Variants in SAMMSON observed in about 807,000 individuals in gnomAD.
SAMMSON encodes survival associated mitochondrial melanoma specific oncogenic non-coding RNA, also known as long intergenic non-protein coding RNA 1212.
At chr3:70,108,338 G>C (rs1035406232) in intron 4 of SAMMSON, among the ~76,000 whole-genome samples, 2 of 149,606 alleles carry the variant, frequency 1.3e-5, no homozygotes, top group African/African-American at 2.4e-5. Context: ...GTTTACGCAG[G>C]CAATATAAGT....
chr3:70,128,217 T>G (rs2067467269), intron 4 of SAMMSON, among the ~76,000 whole-genome samples: 1 of 152,162 alleles, frequency 6.6e-6, no homozygotes. Context: ...CATCTAAGAC[T>G]GTCTACACAA....
chr3:70,121,957 C>T (rs1428253950), intron 4 of SAMMSON, among the ~76,000 whole-genome samples: 1 of 152,130 alleles, frequency 6.6e-6, no homozygotes, highest in Non-Finnish European at 1.5e-5. Flanking sequence ...GTATGAATCT[C>T]GTAAGAGACT....
intron 4 of SAMMSON, among the ~76,000 whole-genome samples, chr3:70,190,698 A>G (rs998156561): frequency 1.1e-4 from 16 of 152,248 alleles, no homozygotes; most frequent in Admixed American, 1.0e-3. Flanking sequence ...GAATTTGTGT[A>G]TATTGTTGCT....
chr3:70,245,671 T>TATATATATA (rs1326051204), intron 4 of SAMMSON, among the ~76,000 whole-genome samples: 2 of 57,222 alleles, frequency 3.5e-5, no homozygotes, highest in African/African-American at 5.7e-5. Flanking sequence ...GCAAACTGCT[T>TATATATATA]TATATATATA....
chr3:70,432,975 G>A (rs1701427063), intron 2 of SAMMSON, among the ~76,000 whole-genome samples: 3 of 151,880 alleles, frequency 2.0e-5, no homozygotes. Flanking sequence ...ATTCCCCTAT[G>A]TCTTTTAATG....
At chr3:70,019,333 G>A (rs1378905815) in intron 3 of SAMMSON, among the ~76,000 whole-genome samples, 10 of 152,154 alleles carry the variant, frequency 6.6e-5, no homozygotes, top group African/African-American at 1.9e-4. Context: ...TTACCATTAT[G>A]TAATGGCCTT....
intron 9 of SAMMSON, among the ~76,000 whole-genome samples, chr3:70,378,625 C>T (rs1187982624): frequency 6.6e-6 from 1 of 152,054 alleles, no homozygotes; most frequent in Non-Finnish European, 1.5e-5. Flanking sequence ...TATATACTTG[C>T]AGAACCATTG....
chr3:70,219,742 A>G (rs1251490606), intron 4 of SAMMSON, among the ~76,000 whole-genome samples: 1 of 152,180 alleles, frequency 6.6e-6, no homozygotes, highest in Non-Finnish European at 1.5e-5. Context: ...TTAGTAACAC[A>G]GAGATTAAGA....
At chr3:70,246,023 T>G (rs2106646099) in intron 4 of SAMMSON, among the ~76,000 whole-genome samples, 1 of 151,774 alleles carries the variant, frequency 6.6e-6, no homozygotes, top group African/African-American at 2.4e-5. Context: ...ACTTGCATTG[T>G]TAAATATATA....
At chr3:70,203,760 C>G (rs1338393412) in intron 4 of SAMMSON, among the ~76,000 whole-genome samples, 1 of 152,074 alleles carries the variant, frequency 6.6e-6, no homozygotes, top group African/African-American at 2.4e-5. Flanking sequence ...TGAGATGTCT[C>G]AAATTCAAAA....
intron 4 of SAMMSON, among the ~76,000 whole-genome samples, chr3:70,121,138 T>A (rs2106666946): frequency 6.6e-6 from 1 of 152,296 alleles, no homozygotes; most frequent in African/African-American, 2.4e-5. Flanking sequence ...CGCGCTCCTA[T>A]AAGAATCTAA....
intron 4 of SAMMSON, among the ~76,000 whole-genome samples, chr3:70,164,591 C>G (rs570427785): frequency 6.6e-6 from 1 of 152,058 alleles, no homozygotes; most frequent in East Asian, 1.9e-4. Context: ...ATAAGGCTTC[C>G]AAATCAAGGT....
chr3:70,209,814 T>G (rs1701325641), intron 4 of SAMMSON, among the ~76,000 whole-genome samples: 1 of 152,056 alleles, frequency 6.6e-6, no homozygotes, highest in Admixed American at 6.6e-5. Flanking sequence ...GCCTTGCAAA[T>G]AGCTGGGTTT....
At chr3:70,337,177 T>TTAA (rs4057293) in intron 7 of SAMMSON, among the ~76,000 whole-genome samples, 85,868 of 125,994 alleles carry the variant, frequency 0.68, 28,644 homozygotes, top group Middle Eastern at 0.75. Flanking sequence ...TAATATAATA[T>TTAA]TAATAATATG....
At chr3:70,163,083 T>C (rs1559526060) in intron 4 of SAMMSON, among the ~76,000 whole-genome samples, 1 of 151,762 alleles carries the variant, frequency 6.6e-6, no homozygotes, top group Admixed American at 6.6e-5. Context: ...ATCCTTTTTT[T>C]TCATTATCTA....
At chr3:70,366,492 G>GGT (rs772373929) in intron 9 of SAMMSON, among the ~76,000 whole-genome samples, 2 of 100,758 alleles carry the variant, frequency 2.0e-5, no homozygotes, top group Non-Finnish European at 4.1e-5. Context: ...GTGTTTTTAT[G>GGT]TTTTTTTTTT....
chr3:70,043,940 A>G (rs59761935), intron 3 of SAMMSON, among the ~76,000 whole-genome samples: 2,816 of 152,154 alleles, frequency 0.019, 91 homozygotes, highest in African/African-American at 0.063. Flanking sequence ...GTTAAAGTGA[A>G]CAAAATTGAT....
chr3:70,120,339 A>G (rs1051474188), intron 4 of SAMMSON: 1 of 152,268 alleles, frequency 6.6e-6, no homozygotes, highest in African/African-American at 2.4e-5. Flanking sequence ...CGAGTCGGTC[A>G]GCCAGTGCTC....
At chr3:70,091,315 T>C (rs1266293080) in intron 4 of SAMMSON, among the ~76,000 whole-genome samples, 1 of 152,084 alleles carries the variant, frequency 6.6e-6, no homozygotes, top group Non-Finnish European at 1.5e-5. Flanking sequence ...ACTAATGCAT[T>C]TGTATTTCCC....
Sources: gnomAD v4.1 joint callset for allele counts (sites outside exome capture counted in the v4.1 genomes callset) on GRCh38, gnomAD v4.1.1 for gene constraint, MANE v1.5 for transcripts, NCBI Gene and HGNC (gene_info 2026-07-23, HGNC 2026-07-21) for gene names.